The following MBOAT2 variants were observed in gnomAD, a reference collection of about 807,000 sequenced individuals.
MBOAT2 encodes the protein membrane-bound glycerophospholipid O-acyltransferase 2.
In MBOAT2, 28 loss-of-function variants were observed where a neutral mutation model predicts 63.4. That is an observed-to-expected ratio of 0.44 (90% CI 0.33 to 0.61). The LOEUF is 0.61. Among genes scored for constraint, MBOAT2 ranks in the 20% least tolerant of loss-of-function variants. The pLI is 0.03. For synonymous variants in MBOAT2, 211 were observed against 215.6 expected (o/e 0.98, Z 0.19); for missense variants, 470 against 605.8 (o/e 0.78, Z 2.35).
chr2:8,943,382 G>GA (rs1263927307), intron 2 of MBOAT2, 118 bp from the exon 3 acceptor site: 1 of 530,054 alleles, frequency 1.9e-6, no homozygotes, highest in African/African-American at 1.9e-5. Flanking sequence ...AAAAAATAAG[G>GA]AATGAAACTT....
chr2:8,900,212 T>A (rs891658181), intron 4 of MBOAT2, among the ~76,000 whole-genome samples: 1 of 152,184 alleles, frequency 6.6e-6, no homozygotes, highest in Admixed American at 6.5e-5. Flanking sequence ...CCAGTGGAGA[T>A]CCATACTGGG....
At chr2:8,889,818 T>TA (rs927231553) in intron 4 of MBOAT2, among the ~76,000 whole-genome samples, 9 of 152,168 alleles carry the variant, frequency 5.9e-5, no homozygotes, top group East Asian at 1.9e-4. Flanking sequence ...GACAAGATGT[T>TA]AAAAAAATGC....
At position 8,932,911 on chromosome 2, in the gene MBOAT2, C is replaced by T. The variant is rs535679606; in HGVS notation, c.299+10276G>A. On this transcript the variant is annotated intron_variant, in intron 3 of 12. Coordinates refer to ENST00000305997, the MANE Select transcript of MBOAT2 (RefSeq NM_138799.4). ...TGTCAAGTCTATACACTCATAACAA[C>T]ACACCACATCACAGGTAGAGTTCAT... 2.6e-5 allele frequency among the ~76,000 whole-genome samples: 4 copies of T among 152,302 alleles called. No homozygotes were observed. In the South Asian group the frequency reaches 8.3e-4, roughly 32 times the overall value.
At chr2:8,948,340 T>A (rs566400446) in intron 2 of MBOAT2, among the ~76,000 whole-genome samples, 49 of 152,178 alleles carry the variant, frequency 3.2e-4, no homozygotes, top group African/African-American at 1.1e-3. Context: ...CAACAAAAAA[T>A]TTTTTTTCCA....
At chr2:8,899,860 AT>A (rs1302334367) in intron 4 of MBOAT2, among the ~76,000 whole-genome samples, 6 of 152,134 alleles carry the variant, frequency 3.9e-5, no homozygotes, top group Non-Finnish European at 8.8e-5. Context: ...CTTGGTCCCT[AT>A]TATAGAACAC....
chr2:8,876,999 T>C (rs1662744819), intron 7 of MBOAT2, 31 bp downstream of exon 7: 1 of 1,570,942 alleles, frequency 6.4e-7, no homozygotes, highest in Non-Finnish European at 8.6e-7. Context: ...ATACATGCTG[T>C]AAAGGCTCCA....
At position 8,855,355 on chromosome 2, in the gene MBOAT2, A is replaced by G. The variant is rs1255510325; in HGVS notation, c.*3324T>C. 1 of 152,270 alleles carries G rather than the reference A, an allele frequency of 6.6e-6. No individual in the cohort carries two copies. Among genetic ancestry groups the G allele is most frequent in the African/African-American group, 2.4e-5 (1 of 41,456 alleles). The allele number at this position is 152,270 out of a possible 1,614,324, so 9.4% of individuals were successfully genotyped here. On this transcript the variant is annotated 3_prime_UTR_variant, in exon 13 of 13. Transcript: ENST00000305997. ...GCTCCTCCAAGTCTTAAGTCTCATG[A>G]AAGGCAGAACCAGAATGAAGATCCA...
intron 4 of MBOAT2, among the ~76,000 whole-genome samples, chr2:8,902,288 AAG>A (rs1243627252): frequency 6.6e-6 from 1 of 152,160 alleles, no homozygotes; most frequent in African/African-American, 2.4e-5. Flanking sequence ...TAGCAAATGA[AAG>A]GGGTCCGATG....
At chr2:8,882,628 T>G (rs2094206055) in intron 5 of MBOAT2, 63 bp from the exon 6 acceptor site, 1 of 1,431,382 alleles carries the variant, frequency 7.0e-7, no homozygotes, top group African/African-American at 1.4e-5. Flanking sequence ...TTTTTGCCCA[T>G]GCACACTTTC....
chr2:8,912,862 C>T (rs1214349962), intron 3 of MBOAT2, among the ~76,000 whole-genome samples: 9 of 151,940 alleles, frequency 5.9e-5, no homozygotes, highest in African/African-American at 1.9e-4. Context: ...CATATGGAAC[C>T]AAAAAAGAGC....
At chr2:8,991,302 T>G (rs1040052467) in intron 1 of MBOAT2, among the ~76,000 whole-genome samples, 1 of 152,168 alleles carries the variant, frequency 6.6e-6, no homozygotes, top group Non-Finnish European at 1.5e-5. Flanking sequence ...TACCATAAAA[T>G]AGCCTTGACA....
chr2:8,990,536 A>G (rs898745094), intron 1 of MBOAT2, among the ~76,000 whole-genome samples: 7 of 152,140 alleles, frequency 4.6e-5, no homozygotes, highest in African/African-American at 1.7e-4. Context: ...ATATTCATTT[A>G]AAAATTATTT....
chr2:8,929,843 G>A (rs888501119), intron 3 of MBOAT2, among the ~76,000 whole-genome samples: 10 of 152,296 alleles, frequency 6.6e-5, no homozygotes, highest in Non-Finnish European at 1.5e-4. Flanking sequence ...CTCATTTCCT[G>A]CATCAGGACT....
intron 1 of MBOAT2, among the ~76,000 whole-genome samples, chr2:8,999,612 A>T (rs1449052663): frequency 2.0e-5 from 3 of 152,232 alleles, no homozygotes; most frequent in Non-Finnish European, 4.4e-5. Flanking sequence ...ACCTTCAGTG[A>T]TTCCTGATGT....
intron 2 of MBOAT2, among the ~76,000 whole-genome samples, chr2:8,944,732 A>C (rs1182768073): frequency 6.6e-6 from 1 of 152,058 alleles, no homozygotes; most frequent in Non-Finnish European, 1.5e-5. Flanking sequence ...CAGAGGAAGC[A>C]GAAAAACCTA....
intron 3 of MBOAT2, among the ~76,000 whole-genome samples, chr2:8,921,476 A>G (rs1666561716): frequency 6.6e-6 from 1 of 152,196 alleles, no homozygotes; most frequent in Non-Finnish European, 1.5e-5. Flanking sequence ...TCCTTTAAAA[A>G]TTAAGAAAAG....
intron 3 of MBOAT2, among the ~76,000 whole-genome samples, chr2:8,929,054 G>A (rs1030983164): frequency 3.9e-5 from 6 of 152,088 alleles, no homozygotes; most frequent in Non-Finnish European, 8.8e-5. Flanking sequence ...AAAGGTAGTG[G>A]GGAGGTGGGA....
At chr2:8,863,553 C>T (rs781707553) in intron 10 of MBOAT2, among the ~76,000 whole-genome samples, 2 of 152,160 alleles carry the variant, frequency 1.3e-5, no homozygotes, top group African/African-American at 2.4e-5. Flanking sequence ...ACACAAACCT[C>T]AGCTCAAGCA....
intron 3 of MBOAT2, among the ~76,000 whole-genome samples, chr2:8,922,016 A>G (rs1573057448): frequency 6.6e-6 from 1 of 152,284 alleles, no homozygotes; most frequent in African/African-American, 2.4e-5. Context: ...TTGTTGATGC[A>G]TGGGATATTA....
Sources: gnomAD v4.1 joint callset for allele counts (sites outside exome capture counted in the v4.1 genomes callset) on GRCh38, gnomAD v4.1.1 for gene constraint, MANE v1.5 for transcripts, NCBI Gene and HGNC (gene_info 2026-07-23, HGNC 2026-07-21) for gene names.